The following SLC6A15 variants were observed in gnomAD, a reference collection of about 807,000 sequenced individuals.
The protein encoded by SLC6A15 is sodium-dependent neutral amino acid transporter B(0)AT2.
Under a neutral mutation model 68.5 loss-of-function variants are expected in SLC6A15, and 33 were observed. That is an observed-to-expected ratio of 0.48 (90% CI 0.37 to 0.64). The LOEUF (loss-of-function observed/expected upper bound fraction) is 0.64. SLC6A15 is among the 30% of genes least tolerant of loss of function. The pLI, the probability that SLC6A15 is intolerant of heterozygous loss-of-function variation, is 0.00. For synonymous variants in SLC6A15, 347 were observed against 301.0 expected, an observed-to-expected ratio of 1.15 and a Z score of -1.58; for missense variants, 747 against 874.3, an observed-to-expected ratio of 0.85 and a Z score of 1.84.
intron 11 of SLC6A15, among the ~76,000 whole-genome samples, chr12:84,863,031 T>C (rs1346501883): frequency 1.3e-5 from 2 of 152,170 alleles, no homozygotes; most frequent in Admixed American, 1.3e-4. Context: ...CCTCAAGTGA[T>C]GCTTTTGCCT....
chr12:84,871,310 T>TAA (rs1185580004), intron 8 of SLC6A15, among the ~76,000 whole-genome samples: 2 of 133,848 alleles, frequency 1.5e-5, no homozygotes, highest in African/African-American at 2.7e-5. Context: ...CCTCCCTGAT[T>TAA]AAAAAAAAAA....
At chr12:84,894,090 A>G (rs1038322410) in intron 1 of SLC6A15, among the ~76,000 whole-genome samples, 2 of 152,142 alleles carry the variant, frequency 1.3e-5, no homozygotes, top group Non-Finnish European at 2.9e-5. Flanking sequence ...GAGGTTTGAC[A>G]TTTTGTCTGT....
chr12:84,884,057 A>G lies in SLC6A15; in HGVS notation c.575-17T>C, dbSNP rs1332280257. On this transcript the variant is annotated splice_polypyrimidine_tract_variant and intron_variant, in intron 4 of 11. Transcript: ENST00000266682. ...GTTCTACAACTGTAGAAAGAAAAGT[A>G]ACACACAATTATTTCAGAATATAAA... The G allele has an allele frequency of 2.5e-6, 4 of 1,591,266 alleles. No individual in the cohort carries two copies. Among genetic ancestry groups the G allele is most frequent in the Non-Finnish European group, 3.4e-6 (4 of 1,160,956 alleles).
intron 10 of SLC6A15, among the ~76,000 whole-genome samples, chr12:84,865,546 C>T (rs763299414): frequency 6.6e-6 from 1 of 152,170 alleles, no homozygotes; most frequent in East Asian, 1.9e-4. Context: ...TGTATAATGA[C>T]GTGTGTCCAC....
At chr12:84,870,350 A>C (rs1871234926) in intron 9 of SLC6A15, 128 bp downstream of exon 9, 1 of 411,414 alleles carries the variant, frequency 2.4e-6, no homozygotes, top group Admixed American at 4.4e-5. Context: ...TGTATACAAT[A>C]ATAAATAGTG....
intron 2 of SLC6A15, among the ~76,000 whole-genome samples, chr12:84,890,946 G>A (rs1382879315): frequency 2.0e-5 from 3 of 152,122 alleles, no homozygotes; most frequent in East Asian, 1.9e-4. Context: ...CAGCATGTAC[G>A]TGTACATAAA....
chr12:84,862,489 C>A (rs1385297827), intron 11 of SLC6A15, among the ~76,000 whole-genome samples: 1 of 152,098 alleles, frequency 6.6e-6, no homozygotes, highest in Non-Finnish European at 1.5e-5. Flanking sequence ...GCACATCTGG[C>A]CCCAAGGGTT....
intron 2 of SLC6A15, among the ~76,000 whole-genome samples, chr12:84,889,100 C>T (rs974288794): frequency 4.7e-4 from 71 of 152,326 alleles, no homozygotes; most frequent in Non-Finnish European, 7.3e-5. Context: ...ACAGACAGGA[C>T]TTGCTGGGTT....
intron 7 of SLC6A15, 138 bp from the exon 8 acceptor site, chr12:84,872,932 A>G: frequency 1.7e-6 from 2 of 1,203,156 alleles, no homozygotes; most frequent in Non-Finnish European, 1.1e-6. Flanking sequence ...GGTGATGACT[A>G]TCCCATTTAC....
intron 11 of SLC6A15, 37 bp from the exon 12 acceptor site, chr12:84,862,043 T>C: frequency 6.6e-7 from 1 of 1,521,084 alleles, no homozygotes; most frequent in South Asian, 1.3e-5. Context: ...TAGTAATCTA[T>C]CTTTCTTTGC....
At position 84,861,675 on chromosome 12, in the gene SLC6A15, A is replaced by G. The variant is rs1332990241; in HGVS notation, c.2150T>C (p.Leu717Ser). ...CATATCTGGCATAATATCTGCCATCAAGTACCCTATTCCATACCGTCCATT... is the reference window on the plus strand; with the variant it reads ...CATATCTGGCATAATATCTGCCATCGAGTACCCTATTCCATACCGTCCATT... ...APNGRYGIGYLMADIMPDMPE... is the reference protein window; with the variant it reads ...APNGRYGIGYSMADIMPDMPE... Residue 717 changes from leucine to serine, a missense_variant, in exon 12 of 12, where the codon TTG becomes TCG. Coordinates refer to ENST00000266682, the MANE Select transcript of SLC6A15 (RefSeq NM_182767.6). 6.2e-7 allele frequency: 1 copy of G among 1,610,356 alleles called. No individual in the cohort carries two copies. Among genetic ancestry groups the G allele is most frequent in the African/African-American group, 1.3e-5 (1 of 74,926 alleles).
rs1307550445 is a variant in SLC6A15 at position 84,873,464 on chromosome 12, GTTC to G, written c.868-139_868-137del. 30 of 1,025,492 alleles carry G rather than the reference GTTC, an allele frequency of 2.9e-5. No homozygotes were observed. The African/African-American group carries it at 4.7e-4, about 16-fold the overall frequency. The allele number at this position is 1,025,492 out of a possible 1,614,324, so 63.5% of individuals were successfully genotyped here. A position where few individuals can be genotyped will look rare whatever the true frequency, so the allele number is the denominator to read the frequency against. The stretch of plus-strand genomic sequence containing the variant: ...GTTTATTTAAATCGGGAAATAATAT[GTTC>G]TTAAGCATAAACATCTATTTTTAGG... On this transcript the variant is annotated intron_variant, in intron 6 of 11. Transcript: ENST00000266682.
At chr12:84,863,915 T>G (rs1017582673) in intron 10 of SLC6A15, among the ~76,000 whole-genome samples, 2 of 151,522 alleles carry the variant, frequency 1.3e-5, no homozygotes. Flanking sequence ...CAAGTAATAA[T>G]TACAAAAAGG....
chr12:84,873,512 A>G (rs1165214653), intron 6 of SLC6A15, among the ~76,000 whole-genome samples, 184 bp from the exon 7 acceptor site: 1 of 152,226 alleles, frequency 6.6e-6, no homozygotes, highest in Non-Finnish European at 1.5e-5. Context: ...ATTATGAGTA[A>G]GAAAGTTGAT....
intron 1 of SLC6A15, among the ~76,000 whole-genome samples, chr12:84,900,363 C>T (rs1322872615): frequency 1.3e-5 from 2 of 151,980 alleles, no homozygotes; most frequent in East Asian, 1.9e-4. Context: ...TCTAAGATCC[C>T]GAGGGACCTC....
intron 1 of SLC6A15, among the ~76,000 whole-genome samples, chr12:84,903,940 G>A (rs1172983058): frequency 6.6e-6 from 1 of 152,006 alleles, no homozygotes; most frequent in African/African-American, 2.4e-5. Context: ...CACTGAATAT[G>A]TTTTATTTGT....
chr12:84,881,559 A>G (rs923884993), intron 5 of SLC6A15: 4 of 985,212 alleles, frequency 4.1e-6, no homozygotes, highest in Middle Eastern at 5.2e-4. Flanking sequence ...TCCCTATCAT[A>G]CCCCTCTTTT....
intron 1 of SLC6A15, among the ~76,000 whole-genome samples, chr12:84,905,863 T>TA (rs1394762009): frequency 1.3e-5 from 2 of 152,204 alleles, no homozygotes; most frequent in African/African-American, 4.8e-5. Context: ...TTCCATCACA[T>TA]AAGGATTCCC....
At chr12:84,908,348 C>T (rs1182644573) in intron 1 of SLC6A15, among the ~76,000 whole-genome samples, 1 of 151,618 alleles carries the variant, frequency 6.6e-6, no homozygotes, top group African/African-American at 2.4e-5. Context: ...TATGCTTCTC[C>T]AATATAATTT....
Sources: gnomAD v4.1 joint callset for allele counts (sites outside exome capture counted in the v4.1 genomes callset) on GRCh38, gnomAD v4.1.1 for gene constraint, MANE v1.5 for transcripts, NCBI Gene and HGNC (gene_info 2026-07-23, HGNC 2026-07-21) for gene names.